Variants in CDC123 observed in about 807,000 individuals in gnomAD.
CDC123 encodes translation initiation factor eIF2 assembly protein.
CDC123 carries 37 observed loss-of-function variants against 54.4 expected under a neutral mutation model. The observed-to-expected ratio is 0.68, with a 90% confidence interval of 0.52 to 0.89. The LOEUF (loss-of-function observed/expected upper bound fraction) is 0.89, where lower values mean the gene tolerates loss of function less well. CDC123 is among the 40% of genes least tolerant of loss of function. The pLI is 0.00. For synonymous variants in CDC123, 144 were observed against 136.8 expected, an observed-to-expected ratio of 1.05 and a Z score of -0.37; for missense variants, 361 against 412.1, an observed-to-expected ratio of 0.88 and a Z score of 1.07.
intron 6 of CDC123, among the ~76,000 whole-genome samples, chr10:12,226,563 C>T (rs1389740266): frequency 6.6e-6 from 1 of 150,398 alleles, no homozygotes; most frequent in Admixed American, 6.6e-5. Context: ...CAGAGACACT[C>T]CTCAGTTCCC....
intron 2 of CDC123, among the ~76,000 whole-genome samples, chr10:12,201,742 G>T (rs963494446): frequency 2.0e-5 from 3 of 152,168 alleles, no homozygotes; most frequent in African/African-American, 4.8e-5. Context: ...CTGAGCAAGA[G>T]AATGACTCGA....
intron 11 of CDC123, among the ~76,000 whole-genome samples, chr10:12,248,303 T>G (rs1836186064): frequency 6.6e-6 from 1 of 151,172 alleles, no homozygotes; most frequent in African/African-American, 2.4e-5. Flanking sequence ...AGGTCAGGAG[T>G]TCGAGACCAG....
intron 11 of CDC123, among the ~76,000 whole-genome samples, chr10:12,248,897 G>T (rs926744035): frequency 6.6e-6 from 1 of 151,876 alleles, no homozygotes; most frequent in Non-Finnish European, 1.5e-5. Context: ...ATCACCTGAG[G>T]TCAGGAGTTT....
intron 2 of CDC123, among the ~76,000 whole-genome samples, chr10:12,206,874 G>A (rs1231115259): frequency 2.0e-5 from 3 of 150,654 alleles, no homozygotes; most frequent in African/African-American, 7.4e-5. Flanking sequence ...CAGGAGAATG[G>A]CCTGAACCCG....
At chr10:12,219,649 A>G (rs898905739) in intron 6 of CDC123, among the ~76,000 whole-genome samples, 1 of 151,292 alleles carries the variant, frequency 6.6e-6, no homozygotes, top group African/African-American at 2.4e-5. Context: ...AAAATATGTT[A>G]CACTGAAAAT....
intron 9 of CDC123, among the ~76,000 whole-genome samples, 177 bp from the exon 10 acceptor site, chr10:12,238,280 A>C (rs1417560856): frequency 1.3e-5 from 2 of 152,208 alleles, no homozygotes; most frequent in African/African-American, 2.4e-5. Context: ...AAAGTTATAT[A>C]AATAAAACAT....
intron 2 of CDC123, among the ~76,000 whole-genome samples, chr10:12,201,416 A>G (rs957897007): frequency 6.6e-6 from 1 of 152,102 alleles, no homozygotes; most frequent in African/African-American, 2.4e-5. Context: ...AGGGTCGGGG[A>G]ATGCTCCGAA....
intron 2 of CDC123, among the ~76,000 whole-genome samples, chr10:12,202,446 G>GA (rs1835451911): frequency 6.6e-6 from 1 of 152,120 alleles, no homozygotes; most frequent in Non-Finnish European, 1.5e-5. Flanking sequence ...TTCCCACCAA[G>GA]AAGCAATCGG....
chr10:12,205,424 A>G (rs143480832), intron 2 of CDC123, among the ~76,000 whole-genome samples: 1 of 152,216 alleles, frequency 6.6e-6, no homozygotes, highest in South Asian at 2.1e-4. Flanking sequence ...AAGATATCTC[A>G]TATATATGCA....
At chr10:12,203,692 C>T (rs968075446) in intron 2 of CDC123, among the ~76,000 whole-genome samples, 14 of 152,012 alleles carry the variant, frequency 9.2e-5, no homozygotes, top group Admixed American at 4.6e-4. Context: ...TTGATACTAG[C>T]GTAACAAGAT....
intron 7 of CDC123, among the ~76,000 whole-genome samples, chr10:12,234,060 C>A (rs1835942264): frequency 6.6e-6 from 1 of 151,836 alleles, no homozygotes; most frequent in Non-Finnish European, 1.5e-5. Flanking sequence ...AGGTAGACAA[C>A]TTTAGAATTA....
intron 11 of CDC123, chr10:12,247,942 T>G (rs535517915): frequency 1.7e-4 from 26 of 151,918 alleles, no homozygotes; most frequent in African/African-American, 6.3e-4. Context: ...AGGCAGAGCT[T>G]GCAGTGAGCC....
intron 8 of CDC123, among the ~76,000 whole-genome samples, chr10:12,236,167 A>C (rs1011287001): frequency 6.6e-5 from 10 of 152,260 alleles, no homozygotes; most frequent in African/African-American, 2.4e-4. Context: ...AGAGAATACC[A>C]ATTTGCAGAG....
chr10:12,246,573 C>G (rs1432137162), intron 11 of CDC123: 2 of 237,840 alleles, frequency 8.4e-6, no homozygotes, highest in Admixed American at 5.7e-5. Context: ...GCATCTGTTC[C>G]TTCTGACCCC....
chr10:12,199,707 A>G (rs1291087644), intron 2 of CDC123, among the ~76,000 whole-genome samples: 3 of 152,188 alleles, frequency 2.0e-5, no homozygotes, highest in Non-Finnish European at 4.4e-5. Context: ...CAGAGCCTCA[A>G]TAACCTGAAA....
chr10:12,241,083 T>C (rs1836051245), intron 10 of CDC123, among the ~76,000 whole-genome samples: 1 of 152,158 alleles, frequency 6.6e-6, no homozygotes, highest in Admixed American at 6.6e-5. Context: ...GCCTTTACAA[T>C]ATAGGGTTAC....
intron 4 of CDC123, among the ~76,000 whole-genome samples, 182 bp downstream of exon 4, chr10:12,210,504 A>G (rs1264789984): frequency 4.6e-5 from 7 of 152,110 alleles, no homozygotes; most frequent in African/African-American, 9.7e-5. Flanking sequence ...GCAGGCAAAC[A>G]TGATTTGCCC....
chr10:12,202,742 T>C (rs1243111131), intron 2 of CDC123, among the ~76,000 whole-genome samples: 2 of 152,228 alleles, frequency 1.3e-5, no homozygotes, highest in Non-Finnish European at 2.9e-5. Context: ...AGCCCTGGTG[T>C]GGTGGCTCAC....
chr10:12,246,822 C>T (rs1031303269), intron 11 of CDC123: 1 of 153,474 alleles, frequency 6.5e-6, no homozygotes. Context: ...CCGTCCCTTC[C>T]TGAGTCTAAT....
Sources: gnomAD v4.1 joint callset for allele counts (sites outside exome capture counted in the v4.1 genomes callset) on GRCh38, gnomAD v4.1.1 for gene constraint, MANE v1.5 for transcripts, NCBI Gene and HGNC (gene_info 2026-07-23, HGNC 2026-07-21) for gene names.